Variants in CADM1 observed in about 807,000 individuals in gnomAD.
CADM1 encodes TSLC-1.
Under a neutral mutation model 53.1 loss-of-function variants are expected in CADM1, and 15 were observed. That is an observed-to-expected ratio of 0.28 (90% CI 0.19 to 0.44). The LOEUF is 0.44. Among genes scored for constraint, CADM1 ranks in the 20% least tolerant of loss-of-function variants. The pLI, the probability that CADM1 is intolerant of heterozygous loss-of-function variation, is 1.00. For missense variants in CADM1, 434 were observed against 611.3 expected (o/e 0.71, Z 3.06); for synonymous variants, 281 against 243.0 (o/e 1.16, Z -1.45).
At chr11:115,340,658 A>ATTTTTTTTTTTTTTTT (rs869273547) in intron 1 of CADM1, among the ~76,000 whole-genome samples, 1 of 34,938 alleles carries the variant, frequency 2.9e-5, no homozygotes, top group African/African-American at 1.4e-4. Context: ...ATATATATAT[A>ATTTTTTTTTTTTTTTT]TTTTTTTTTT....
intron 1 of CADM1, among the ~76,000 whole-genome samples, chr11:115,340,639 TATATATA>T (rs1945407289): frequency 3.4e-5 from 1 of 29,764 alleles, no homozygotes; most frequent in African/African-American, 1.2e-4. Flanking sequence ...TATATATATA[TATATATA>T]TATATATATA....
chr11:115,328,136 A>AT (rs773272382), intron 1 of CADM1, among the ~76,000 whole-genome samples: 30 of 148,832 alleles, frequency 2.0e-4, no homozygotes, highest in South Asian at 4.2e-4. Context: ...TTGACCTCCG[A>AT]TTTTTTTTTT....
At chr11:115,429,629 T>G (rs1261983782) in intron 1 of CADM1, among the ~76,000 whole-genome samples, 2 of 151,922 alleles carry the variant, frequency 1.3e-5, no homozygotes, top group African/African-American at 2.4e-5. Context: ...TTTATTTAAG[T>G]AACATTGAAA....
chr11:115,457,464 A>T (rs199683851), intron 1 of CADM1, among the ~76,000 whole-genome samples: 1 of 152,200 alleles, frequency 6.6e-6, no homozygotes, highest in Non-Finnish European at 1.5e-5. Flanking sequence ...ATATATCAAA[A>T]TACAAATGAG....
At chr11:115,449,787 ATAG>A (rs1948531547) in intron 1 of CADM1, among the ~76,000 whole-genome samples, 1 of 152,206 alleles carries the variant, frequency 6.6e-6, no homozygotes, top group African/African-American at 2.4e-5. Flanking sequence ...GCTAAACTTT[ATAG>A]TTCCAAACAT....
intron 8 of CADM1, among the ~76,000 whole-genome samples, chr11:115,207,111 C>T (rs922174402): frequency 6.6e-6 from 1 of 152,012 alleles, no homozygotes; most frequent in African/African-American, 2.4e-5. Flanking sequence ...ACACAGTAAG[C>T]CTAGAAGATC....
intron 11 of CADM1, among the ~76,000 whole-genome samples, chr11:115,176,870 G>T (rs1939056066): frequency 6.6e-6 from 1 of 152,356 alleles, no homozygotes; most frequent in African/African-American, 2.4e-5. Flanking sequence ...GAAGACGTGA[G>T]TGGGAGCTAA....
chr11:115,184,500 A>G (rs1367817131), intron 10 of CADM1, among the ~76,000 whole-genome samples: 5 of 152,242 alleles, frequency 3.3e-5, no homozygotes, highest in Admixed American at 6.5e-5. Flanking sequence ...GTAAATGTAT[A>G]CAGTACATGC....
intron 1 of CADM1, among the ~76,000 whole-genome samples, chr11:115,335,926 T>C (rs1033245022): frequency 9.2e-5 from 14 of 152,122 alleles, no homozygotes; most frequent in African/African-American, 3.1e-4. Flanking sequence ...ACAATGTCCA[T>C]TGTTTCTCTT....
At chr11:115,474,948 G>A (rs1949098790) in intron 1 of CADM1, among the ~76,000 whole-genome samples, 2 of 152,156 alleles carry the variant, frequency 1.3e-5, no homozygotes, top group Non-Finnish European at 2.9e-5. Context: ...CAAGGATTTA[G>A]AGAAACTGGA....
intron 9 of CADM1, 152 bp from the exon 10 acceptor site, chr11:115,191,093 A>G (rs1939834639): frequency 3.1e-6 from 2 of 641,280 alleles, no homozygotes; most frequent in East Asian, 2.8e-5. Flanking sequence ...CCATAAGTAC[A>G]TTTCTTCAAT....
rs368814396 is a variant in CADM1 at position 115,229,307 on chromosome 11, G to C, written c.563-36C>G. 3.1e-6 allele frequency: 5 copies of C among 1,610,368 alleles called. No homozygotes were observed. In the African/African-American group the frequency reaches 6.7e-5, roughly 22 times the overall value. On this transcript the variant is annotated intron_variant, in intron 4 of 11. Coordinates refer to ENST00000331581, the MANE Select transcript of CADM1 (RefSeq NM_001301043.2). ...GAAAATGTACCAAGACACCAGAGTT[G>C]GGTGAATTTCCATCAGTTTGTTTTT...
chr11:115,504,128 C>T, intron 1 of CADM1, 143 bp downstream of exon 1: 1 of 1,267,550 alleles, frequency 7.9e-7, no homozygotes, highest in Non-Finnish European at 1.1e-6. Context: ...CCTCTCAGCC[C>T]TGAGTTTCCT....
chr11:115,308,069 C>T (rs1944424051), intron 1 of CADM1, among the ~76,000 whole-genome samples: 1 of 151,278 alleles, frequency 6.6e-6, no homozygotes, highest in Non-Finnish European at 1.5e-5. Context: ...AAAATTTTTG[C>T]TCAACAGCCT....
chr11:115,456,883 C>T (rs1384384242), intron 1 of CADM1, among the ~76,000 whole-genome samples: 1 of 152,120 alleles, frequency 6.6e-6, no homozygotes, highest in Non-Finnish European at 1.5e-5. Flanking sequence ...AATAACCAAG[C>T]ACTTTCTAGA....
intron 1 of CADM1, among the ~76,000 whole-genome samples, chr11:115,346,280 GA>G (rs1314858964): frequency 4.6e-5 from 7 of 152,208 alleles, no homozygotes; most frequent in Admixed American, 2.0e-4. Context: ...GACTGCAAGT[GA>G]ATGTCAAAGT....
At chr11:115,209,964 A>G (rs1160458746) in intron 7 of CADM1, among the ~76,000 whole-genome samples, 1 of 152,202 alleles carries the variant, frequency 6.6e-6, no homozygotes, top group Non-Finnish European at 1.5e-5. Context: ...TTCAAAGGTG[A>G]GGTTAAATCA....
At chr11:115,233,199 G>A (rs538211072) in intron 3 of CADM1, among the ~76,000 whole-genome samples, 3 of 152,246 alleles carry the variant, frequency 2.0e-5, no homozygotes, top group South Asian at 2.1e-4. Flanking sequence ...TTTGTTTCCC[G>A]TGTACAAGGA....
chr11:115,309,644 T>C (rs1236040032), intron 1 of CADM1, among the ~76,000 whole-genome samples: 1 of 152,012 alleles, frequency 6.6e-6, no homozygotes, highest in Non-Finnish European at 1.5e-5. Context: ...AGCTAAGCAG[T>C]GAGGTTTGCA....
Sources: allele counts gnomAD v4.1 joint callset (sites outside exome capture counted in the v4.1 genomes callset), GRCh38; gene constraint gnomAD v4.1.1; transcripts MANE v1.5; gene names NCBI Gene and HGNC (gene_info 2026-07-23, HGNC 2026-07-21).